The following KPNA5 variants were observed in gnomAD, a reference collection of about 807,000 sequenced individuals.
The protein encoded by KPNA5 is importin subunit alpha-6.
In KPNA5, 46 loss-of-function variants were observed where a neutral mutation model predicts 71.3. The observed-to-expected ratio is 0.65, with a 90% confidence interval of 0.51 to 0.83. KPNA5 has a LOEUF of 0.83. Ranked by LOEUF, KPNA5 falls within the 40% of genes least tolerant of loss-of-function variation. The pLI, the probability that KPNA5 is intolerant of heterozygous loss-of-function variation, is 0.00. For missense variants in KPNA5, 547 were observed against 628.3 expected (o/e 0.87, Z 1.38); for synonymous variants, 207 against 201.4 (o/e 1.03, Z -0.24).
In KPNA5 at chr6:116,739,286, T is replaced by A; in HGVS notation, c.*6963T>A. ...GAATAAAATACTTAGGAATCCAACT[T>A]ACAAGGGACGTGAAGGACCTCTTCA... On this transcript the variant is annotated 3_prime_UTR_variant, in exon 14 of 14. Transcript: ENST00000368564. 6.6e-6 allele frequency: 1 copy of A among 152,048 alleles called. No individual in the cohort carries two copies. Among genetic ancestry groups the A allele is most frequent in the Admixed American group, 6.6e-5 (1 of 15,254 alleles). The allele number at this position is 152,048 out of a possible 1,614,324, so 9.4% of individuals were successfully genotyped here.
chr6:116,682,958 G>T lies in KPNA5; in HGVS notation c.4+1620G>T, dbSNP rs896808144. 2.0e-5 allele frequency among the ~76,000 whole-genome samples: 3 copies of T among 152,196 alleles called. No individual in the cohort carries two copies. In the East Asian group the frequency reaches 5.8e-4, roughly 29 times the overall value. On this transcript the variant is annotated intron_variant, in intron 1 of 13. Transcript: ENST00000368564. ...GGATGCAGTGTTAAATCTGAAGCCGGAAGTCAGTACTATTGAAGAAAAAGG... is the reference window on the plus strand; with the variant it reads ...GGATGCAGTGTTAAATCTGAAGCCGTAAGTCAGTACTATTGAAGAAAAAGG...
chr6:116,724,212 C>A, intron 9 of KPNA5, 85 bp from the exon 10 acceptor site: 2 of 801,622 alleles, frequency 2.5e-6, no homozygotes, highest in Non-Finnish European at 4.2e-6. Flanking sequence ...CTGAACACCC[C>A]GCAGGAGTTT....
rs973681465 is a variant in KPNA5 at position 116,735,710 on chromosome 6, A to G, written c.*3387A>G. 2 of 151,800 alleles carry G rather than the reference A, an allele frequency of 1.3e-5. No individual in the cohort carries two copies. The highest frequency in any genetic ancestry group is 2.4e-5 in the African/African-American group (1 of 41,438). The allele number at this position is 151,800 out of a possible 1,614,324, so 9.4% of individuals were successfully genotyped here. On this transcript the variant is annotated 3_prime_UTR_variant, in exon 14 of 14. Transcript: ENST00000368564. ...TCCTAACAGAACAAAGACAGATGCTATTATTGGTTAAAAATCCATTTACTT... is the reference window on the plus strand; with the variant it reads ...TCCTAACAGAACAAAGACAGATGCTGTTATTGGTTAAAAATCCATTTACTT...
In KPNA5 at chr6:116,719,421, T is replaced by C. The variant is rs192130128; in HGVS notation, c.757-2705T>C. On this transcript the variant is annotated intron_variant, in intron 8 of 13. Coordinates refer to ENST00000368564, the MANE Select transcript of KPNA5 (RefSeq NM_001366306.2). ...GGATAATTGGGCAGCAAAACCATAT[T>C]TTCTTAGAGGAACACTAAATTTCAG... 2.8e-4 allele frequency among the ~76,000 whole-genome samples: 42 copies of C among 152,330 alleles called. No homozygotes were observed. The East Asian group carries it at 8.1e-3, about 29-fold the overall frequency.
At position 116,705,086 on chromosome 6, in the gene KPNA5, T is replaced by C. The variant is rs902408526; in HGVS notation, c.582T>C (p.Leu194=). 1 of 1,611,896 alleles carries C rather than the reference T, an allele frequency of 6.2e-7. No individual in the cohort carries two copies. Among genetic ancestry groups the C allele is most frequent in the Non-Finnish European group, 8.5e-7 (1 of 1,179,254 alleles). ...EDVQEQAVWA[L]GNIAGDNAEC... The stretch of plus-strand genomic sequence containing the variant: ...TTTTTCCTAAGGCTGTTTGGGCACT[T>C]GGTAATATTGCTGGTGACAATGCAG... The change falls in exon 7 of 14, where the codon CTT becomes CTC. Residue 194 remains leucine, a synonymous_variant. Coordinates refer to ENST00000368564, the MANE Select transcript of KPNA5 (RefSeq NM_001366306.2).
At chr6:116,725,221 T>A (rs1231470821) in intron 10 of KPNA5, among the ~76,000 whole-genome samples, 1 of 152,148 alleles carries the variant, frequency 6.6e-6, no homozygotes, top group Non-Finnish European at 1.5e-5. Context: ...ATTGGAGTAT[T>A]TTGAATATAG....
chr6:116,710,794 A>G (rs1017831675), intron 7 of KPNA5, among the ~76,000 whole-genome samples: 1 of 147,780 alleles, frequency 6.8e-6, no homozygotes, highest in Non-Finnish European at 1.5e-5. Context: ...TTTGATGATA[A>G]TATTCTCATA....
At chr6:116,730,084 A>ATTT (rs66651825) in intron 13 of KPNA5, among the ~76,000 whole-genome samples, 8 of 124,692 alleles carry the variant, frequency 6.4e-5, no homozygotes, top group East Asian at 2.3e-4. Flanking sequence ...AAAATATGTA[A>ATTT]TTTTTTTTTT....
chr6:116,721,210 T>C (rs193126920), intron 8 of KPNA5, among the ~76,000 whole-genome samples: 1 of 152,366 alleles, frequency 6.6e-6, no homozygotes, highest in East Asian at 1.9e-4. Flanking sequence ...TATATACTGA[T>C]ATTCTTTAAA....
At chr6:116,702,494 C>G (rs994636050) in intron 6 of KPNA5, among the ~76,000 whole-genome samples, 1 of 152,084 alleles carries the variant, frequency 6.6e-6, no homozygotes, top group African/African-American at 2.4e-5. Flanking sequence ...ACCAGCCTGG[C>G]CAACATGGCA....
At chr6:116,695,074 C>T (rs1293898263) in intron 4 of KPNA5, among the ~76,000 whole-genome samples, 1 of 151,996 alleles carries the variant, frequency 6.6e-6, no homozygotes, top group East Asian at 1.9e-4. Flanking sequence ...CTTCAGCTTC[C>T]TGAGTAGCTA....
At chr6:116,711,417 G>C (rs1042270928) in intron 7 of KPNA5, among the ~76,000 whole-genome samples, 5 of 150,814 alleles carry the variant, frequency 3.3e-5, no homozygotes, top group Admixed American at 3.3e-4. Flanking sequence ...AAGGTGGAAG[G>C]TTATCTTTTT....
chr6:116,705,992 C>T (rs1778424576), intron 7 of KPNA5, among the ~76,000 whole-genome samples: 1 of 152,170 alleles, frequency 6.6e-6, no homozygotes, highest in Non-Finnish European at 1.5e-5. Context: ...AACCACTGAA[C>T]TACTCACTAT....
At position 116,729,594 on chromosome 6, in the gene KPNA5, C is replaced by CT; in HGVS notation, c.1288dup (p.Cys430LeufsTer2). 6.3e-7 allele frequency: 1 copy of CT among 1,594,304 alleles called. No individual in the cohort carries two copies. The highest frequency in any genetic ancestry group is 8.5e-7 in the Non-Finnish European group (1 of 1,169,924). Reference sequence around the variant, plus strand: ...GGTAGCTTTAGGCTGCATTAAACCACTTTGTGATCTTTTGACTGTTATGGA... The same window carrying CT: ...GGTAGCTTTAGGCTGCATTAAACCACTTTTGTGATCTTTTGACTGTTATGGA... On this transcript the variant is annotated frameshift_variant, in exon 13 of 14. Coordinates refer to ENST00000368564, the MANE Select transcript of KPNA5 (RefSeq NM_001366306.2). LOFTEE classifies it high-confidence loss of function.
intron 5 of KPNA5, among the ~76,000 whole-genome samples, chr6:116,701,069 A>G (rs549034368): frequency 6.6e-5 from 10 of 152,232 alleles, no homozygotes; most frequent in African/African-American, 2.4e-4. Context: ...GGTTAGAACT[A>G]TGGTCTCCAT....
chr6:116,706,981 G>A (rs376514940), intron 7 of KPNA5, among the ~76,000 whole-genome samples: 6 of 151,808 alleles, frequency 4.0e-5, no homozygotes, highest in Admixed American at 2.0e-4. Context: ...TGGCTAACAC[G>A]GTGAAACCCG....
intron 1 of KPNA5, among the ~76,000 whole-genome samples, chr6:116,688,259 A>G (rs1174615775): frequency 6.6e-6 from 1 of 152,140 alleles, no homozygotes; most frequent in Non-Finnish European, 1.5e-5. Flanking sequence ...TTGCCAATTC[A>G]TTAGTCTGTC....
intron 13 of KPNA5, among the ~76,000 whole-genome samples, chr6:116,731,164 AT>A (rs1192948444): frequency 1.3e-5 from 2 of 151,998 alleles, no homozygotes; most frequent in Non-Finnish European, 2.9e-5. Flanking sequence ...ATCTAAATTG[AT>A]TTTCTTTTAT....
At chr6:116,717,495 A>G (rs967764303) in intron 8 of KPNA5, among the ~76,000 whole-genome samples, 2 of 152,182 alleles carry the variant, frequency 1.3e-5, no homozygotes, top group African/African-American at 2.4e-5. Context: ...AAGGTATCCA[A>G]GTTACTGGTG....
Sources: gnomAD v4.1 joint callset for allele counts (sites outside exome capture counted in the v4.1 genomes callset) on GRCh38, gnomAD v4.1.1 for gene constraint, MANE v1.5 for transcripts, NCBI Gene and HGNC (gene_info 2026-07-23, HGNC 2026-07-21) for gene names.